TNFAIP2: variants seen among roughly 807,000 people sequenced by gnomAD.
TNFAIP2 encodes TNF alpha induced protein 2, also known as tumor necrosis factor alpha-induced protein 2.
TNFAIP2 carries 47 observed loss-of-function variants against 63.5 expected under a neutral mutation model. The ratio of observed to expected loss-of-function variants is 0.74; its 90% CI spans 0.59 to 0.94. The LOEUF (loss-of-function observed/expected upper bound fraction) is 0.94, where lower values mean the gene tolerates loss of function less well. Among genes scored for constraint, TNFAIP2 ranks in the 40% least tolerant of loss-of-function variants. The pLI is 0.00. For missense variants in TNFAIP2, 787 were observed against 850.2 expected (o/e 0.93, Z 0.92); for synonymous variants, 405 against 390.2 (o/e 1.04, Z -0.45).
In TNFAIP2 at chr14:103,131,205, G is replaced by C; in HGVS notation, c.1298+55G>C. 1.3e-6 allele frequency: 2 copies of C among 1,593,102 alleles called. No homozygotes were observed. Among genetic ancestry groups the C allele is most frequent in the Non-Finnish European group, 1.7e-6 (2 of 1,162,276 alleles). On this transcript the variant is annotated intron_variant, in intron 7 of 11. Transcript: ENST00000560869. The surrounding 1 kb of genome is among the most constrained non-coding windows in gnomAD (Gnocchi z 4.0). Reference sequence around the variant, plus strand: ...TGGGAGTCACTCAGCGGGCAGGAGAGGGGAGCTGGAAGGTGGAGGGAGGAG... The same window carrying C: ...TGGGAGTCACTCAGCGGGCAGGAGACGGGAGCTGGAAGGTGGAGGGAGGAG...
At chr14:103,132,981 TGTG>T in intron 9 of TNFAIP2, 109 bp downstream of exon 9, 2 of 1,514,022 alleles carry the variant, frequency 1.3e-6, no homozygotes, top group Non-Finnish European at 8.9e-7. Flanking sequence ...CACGCGCACA[TGTG>T]AACACACGTG....
At chr14:103,132,097 A>G in intron 8 of TNFAIP2, among the ~76,000 whole-genome samples, 1 of 130,038 alleles carries the variant, frequency 7.7e-6, no homozygotes, top group South Asian at 2.4e-4. Flanking sequence ...CCCCTCCCCG[A>G]TTCAGACACA....
upstream of TNFAIP2, chr14:103,122,898 C>T (rs1169037042): frequency 1.6e-5 from 7 of 450,870 alleles, no homozygotes; most frequent in Non-Finnish European, 3.1e-5. Context: ...GCTTGACGAC[C>T]GGAGGGGCTC....
At chr14:103,126,829 C>A in intron 2 of TNFAIP2, 137 bp downstream of exon 2, 1 of 1,331,944 alleles carries the variant, frequency 7.5e-7, no homozygotes, top group Non-Finnish European at 1.0e-6. Flanking sequence ...TCACCTGTGC[C>A]GCAATCTGGG....
rs931427200 is a variant in TNFAIP2, at chr14:103,130,530, G to A, written c.1199+115G>A. On this transcript the variant is annotated intron_variant, in intron 6 of 11. Coordinates refer to ENST00000560869, the MANE Select transcript of TNFAIP2 (RefSeq NM_006291.4). ...ATCCCCGCCCTCTACCCCTGTCCCTGTCATTCTGAGCCAGGAGTTGTTTCC... is the reference window on the plus strand; with the variant it reads ...ATCCCCGCCCTCTACCCCTGTCCCTATCATTCTGAGCCAGGAGTTGTTTCC... 6.3e-5 allele frequency: 62 copies of A among 984,032 alleles called. No individual in the cohort carries two copies. In the African/African-American group the frequency reaches 9.3e-4, roughly 15 times the overall value. 61.0% of individuals were successfully genotyped at this position (984,032 alleles called of 1,614,324 possible).
intron 3 of TNFAIP2, among the ~76,000 whole-genome samples, chr14:103,128,325 G>A (rs780364246): frequency 2.6e-5 from 4 of 152,192 alleles, no homozygotes; most frequent in African/African-American, 4.8e-5. Context: ...TGAGCCCGCC[G>A]CAGAGCTGGA....
upstream of TNFAIP2, among the ~76,000 whole-genome samples, chr14:103,122,144 C>A (rs1891130330): frequency 6.6e-6 from 1 of 152,172 alleles, no homozygotes; most frequent in African/African-American, 2.4e-5. Context: ...GGGTTGGCAG[C>A]CTTAACGCCC....
intron 4 of TNFAIP2, 53 bp downstream of exon 4, chr14:103,129,907 C>T (rs1018783149): frequency 1.7e-5 from 28 of 1,607,164 alleles, no homozygotes; most frequent in African/African-American, 1.6e-4. Context: ...AGGAGAGGCT[C>T]GGAGACAGAC....
At chr14:103,132,459 T>G (rs1248617691) in intron 8 of TNFAIP2, among the ~76,000 whole-genome samples, 2 of 152,092 alleles carry the variant, frequency 1.3e-5, no homozygotes, top group East Asian at 3.9e-4. Context: ...ATGAAGGAAT[T>G]TATTTATTTA....
chr14:103,132,091 T>G (rs8176389), intron 8 of TNFAIP2, among the ~76,000 whole-genome samples: 5 of 117,348 alleles, frequency 4.3e-5, no homozygotes, highest in African/African-American at 1.7e-4. Flanking sequence ...TCACTGCCCC[T>G]CCCCGATTCA....
rs200271261 is a variant in TNFAIP2 at position 103,126,551 on chromosome 14, GAGAAGA to G, written c.103_108del (p.Lys35_Lys36del). On this transcript the variant is annotated inframe_deletion, in exon 2 of 12. Transcript: ENST00000560869. ...GGAAGAGGCGGCGAAGAAGAAGAAG[GAGAAGA>G]AGAAGAAGTCCAAAGGCCTGGCCAA... The G allele has an allele frequency of 1.9e-6, 3 of 1,564,390 alleles. No individual in the cohort carries two copies. Among genetic ancestry groups the G allele is most frequent in the South Asian group, 2.3e-5 (2 of 85,318 alleles).
At position 103,135,771 on chromosome 14, in the gene TNFAIP2, G is replaced by C. The variant is rs1043029666; in HGVS notation, c.*411G>C. 1.0e-5 allele frequency: 13 copies of C among 1,288,556 alleles called. No homozygotes were observed. Among genetic ancestry groups the C allele is most frequent in the South Asian group, 2.5e-5 (2 of 79,208 alleles). The allele number at this position is 1,288,556 out of a possible 1,614,324, so 79.8% of individuals were successfully genotyped here. A position where few individuals can be genotyped will look rare whatever the true frequency, so the allele number is the denominator to read the frequency against. ...GCCGAGGGCCCTCTTCAGCTCTCTGGAGACAGGGGCCGAGCCTCACCCATC... is the reference window on the plus strand; with the variant it reads ...GCCGAGGGCCCTCTTCAGCTCTCTGCAGACAGGGGCCGAGCCTCACCCATC... On this transcript the variant is annotated 3_prime_UTR_variant, in exon 12 of 12. Coordinates refer to ENST00000560869, the MANE Select transcript of TNFAIP2 (RefSeq NM_006291.4). This position sits in a 1 kb window ranked among gnomAD's most constrained non-coding sequence, Gnocchi z 7.6.
chr14:103,133,346 C>T lies in TNFAIP2; in HGVS notation c.1546-16C>T. ...CAGCAGACAGCTCACACGCCCCTGG[C>T]TGCTTGCCCTCCCAGGAGCTCATGG... On this transcript the variant is annotated splice_polypyrimidine_tract_variant and intron_variant, in intron 9 of 11. Coordinates refer to ENST00000560869, the MANE Select transcript of TNFAIP2 (RefSeq NM_006291.4). 6.2e-7 allele frequency: 1 copy of T among 1,611,308 alleles called. No homozygotes were observed. Among genetic ancestry groups the T allele is most frequent in the Admixed American group, 1.7e-5 (1 of 59,902 alleles).
At chr14:103,132,963 T>C (rs1408555582) in intron 9 of TNFAIP2, 91 bp downstream of exon 9, 3 of 1,565,784 alleles carry the variant, frequency 1.9e-6, no homozygotes, top group African/African-American at 2.7e-5. Context: ...CTCACGCACA[T>C]GTGCTCACAC....
At position 103,133,689 on chromosome 14, in the gene TNFAIP2, C is replaced by T. The variant is rs542672394; in HGVS notation, c.1709C>T (p.Pro570Leu). The T allele has an allele frequency of 1.4e-5, 22 of 1,565,926 alleles. No homozygotes were observed. Among genetic ancestry groups the T allele is most frequent in the Admixed American group, 5.8e-5 (3 of 52,132 alleles). The change falls in exon 11 of 12, where the codon CCG (proline) becomes CTG (leucine). Residue 570 changes from proline (P) to leucine (L), a missense_variant. Pro to Leu is a moderately conservative substitution (Grantham distance 98, BLOSUM62 -3). This residue lies in a region of TNFAIP2 where 523 missense variants were observed against 604.1 expected (regional missense o/e 0.87). Transcript: ENST00000560869. ...CCACACCCACTCCTGCAGGGCTCCC[C>T]GGCGACCTGGCTGCAGCCTGCTCTC... The part of the protein sequence containing the change: ...IQHFCTQHGS[P>L]ATWLQPALPT...
At chr14:103,124,318 A>G (rs980406743) in intron 1 of TNFAIP2, 2 of 152,280 alleles carry the variant, frequency 1.3e-5, no homozygotes, top group African/African-American at 4.8e-5. Flanking sequence ...CAGTCCACAC[A>G]CTAGTGAGAA....
At chr14:103,126,241 CTG>C (rs970985404) in intron 1 of TNFAIP2, 67 bp from the exon 2 acceptor site, 3 of 507,042 alleles carry the variant, frequency 5.9e-6, no homozygotes, top group African/African-American at 5.8e-5. Flanking sequence ...GCCAGCATAG[CTG>C]TGTGTCCAGC....
rs2087934045 is a variant in TNFAIP2 at position 103,129,848 on chromosome 14, T to G, written c.969T>G (p.Ser323Arg). ...IRLLEATFLS[S>R]EAANVRELMD... ...TGCTGGAGGCCACATTCCTGTCCAGTGAGGCGGTGAGTCTCCACCTGGGCC... is the reference window on the plus strand; with the variant it reads ...TGCTGGAGGCCACATTCCTGTCCAGGGAGGCGGTGAGTCTCCACCTGGGCC... Residue 323 changes from serine (S) to arginine (R), a missense_variant, in exon 4 of 12, where the codon AGT (serine) becomes AGG (arginine). Physicochemically the swap from Ser to Arg is moderately radical, Grantham distance 110. Around this residue, in one of 3 missense-constraint regions of TNFAIP2, gnomAD observed 523 missense variants for 604.1 expected, o/e 0.87. Transcript: ENST00000560869. The G allele has an allele frequency of 1.2e-6, 2 of 1,613,420 alleles. No homozygotes were observed. Among genetic ancestry groups the G allele is most frequent in the Non-Finnish European group, 8.5e-7 (1 of 1,179,564 alleles).
intron 3 of TNFAIP2, among the ~76,000 whole-genome samples, chr14:103,128,709 A>G (rs575218568): frequency 1.3e-5 from 2 of 152,298 alleles, no homozygotes; most frequent in South Asian, 2.1e-4. Context: ...TCAGCAGGGC[A>G]TAGGGGAACT....
Sources: gnomAD v4.1 joint callset for allele counts (sites outside exome capture counted in the v4.1 genomes callset) on GRCh38, gnomAD v4.1.1 for gene constraint, gnomAD v4.1.1 regional missense constraint, Gnocchi (gnomAD v3.1) non-coding constraint, MANE v1.5 for transcripts, NCBI Gene and HGNC (gene_info 2026-07-23, HGNC 2026-07-21) for gene names.